The following DCAF8 variants were observed in gnomAD, a reference collection of about 807,000 sequenced individuals.
DCAF8 encodes DDB1 and CUL4 associated factor 8.
In DCAF8, 20 loss-of-function variants were observed where a neutral mutation model predicts 68.0. The ratio of observed to expected loss-of-function variants is 0.29; its 90% CI spans 0.21 to 0.43. The LOEUF (loss-of-function observed/expected upper bound fraction) is 0.43, where lower values mean the gene tolerates loss of function less well. DCAF8 is among the 20% of genes least tolerant of loss of function. The pLI is 1.00. For synonymous variants in DCAF8, 230 were observed against 276.9 expected, an observed-to-expected ratio of 0.83 and a Z score of 1.68; for missense variants, 460 against 771.0, an observed-to-expected ratio of 0.60 and a Z score of 4.78.
chr1:160,237,073 C>T, intron 6 of DCAF8, 62 bp downstream of exon 6: 1 of 1,214,058 alleles, frequency 8.2e-7, no homozygotes, highest in South Asian at 1.4e-5. Context: ...ATTACCAAGA[C>T]ATATGGAATA....
At chr1:160,218,815 A>C (rs1571076958) in intron 12 of DCAF8, 34 bp downstream of exon 12, 6 of 1,613,140 alleles carry the variant, frequency 3.7e-6, no homozygotes. Context: ...GTGGATAAGC[A>C]GAAAGAAAAT....
At chr1:160,234,044 G>T (rs1385359456) in intron 6 of DCAF8, among the ~76,000 whole-genome samples, 1 of 152,058 alleles carries the variant, frequency 6.6e-6, no homozygotes, top group Non-Finnish European at 1.5e-5. Context: ...GGCTTCCACT[G>T]GCTAAAGGAA....
intron 11 of DCAF8, chr1:160,220,636 A>G (rs759243220): frequency 6.6e-6 from 1 of 152,210 alleles, no homozygotes; most frequent in East Asian, 1.9e-4. Flanking sequence ...TCAAGCATCA[A>G]AGTGCTCTTG....
At chr1:160,223,554 T>C (rs891985765) in intron 10 of DCAF8, among the ~76,000 whole-genome samples, 2 of 152,238 alleles carry the variant, frequency 1.3e-5, no homozygotes, top group African/African-American at 4.8e-5. Context: ...GTGCTCAAGT[T>C]GCAGTCCATC....
chr1:160,258,044 T>C (rs745912703), intron 2 of DCAF8, among the ~76,000 whole-genome samples: 1 of 152,172 alleles, frequency 6.6e-6, no homozygotes, highest in Non-Finnish European at 1.5e-5. Flanking sequence ...CAGATTCTTA[T>C]ACATTTAATT....
At chr1:160,251,388 ACTTTT>A in intron 2 of DCAF8, among the ~76,000 whole-genome samples, 1 of 152,198 alleles carries the variant, frequency 6.6e-6, no homozygotes, top group South Asian at 2.1e-4. Flanking sequence ...AGTTTATTTT[ACTTTT>A]CTTAATATTT....
chr1:160,256,896 T>C (rs993341524), intron 2 of DCAF8, among the ~76,000 whole-genome samples: 26 of 151,782 alleles, frequency 1.7e-4, no homozygotes, highest in African/African-American at 6.1e-4. Flanking sequence ...CCTACAGAGG[T>C]AGAGATAAAA....
At chr1:160,226,007 C>A (rs569452432) in intron 7 of DCAF8, among the ~76,000 whole-genome samples, 3 of 152,218 alleles carry the variant, frequency 2.0e-5, no homozygotes, top group Admixed American at 6.5e-5. Context: ...CCACGCCCGG[C>A]CAATTTTTGT....
At position 160,239,988 on chromosome 1, in the gene DCAF8, T is replaced by C. The variant is rs1291037612; in HGVS notation, c.432A>G (p.Thr144=). 5.0e-6 allele frequency: 8 copies of C among 1,614,100 alleles called. No individual in the cohort carries two copies. The highest frequency in any genetic ancestry group is 1.6e-4 in the Middle Eastern group (1 of 6,084). The change falls in exon 4 of 14, where the codon ACA becomes ACG. Residue 144 remains threonine, a synonymous_variant. Coordinates refer to ENST00000368074, the MANE Select transcript of DCAF8 (RefSeq NM_015726.4). The part of the protein sequence containing the change: ...RALEDWVSSE[T]SALPRPRWQA... ...GCCAGCGAGGTCGGGGTAGAGCTGATGTTTCTGAGGACACCCAGTCCTCTA... is the reference window on the plus strand; with the variant it reads ...GCCAGCGAGGTCGGGGTAGAGCTGACGTTTCTGAGGACACCCAGTCCTCTA...
At chr1:160,257,184 T>C (rs1236392199) in intron 2 of DCAF8, among the ~76,000 whole-genome samples, 3 of 152,180 alleles carry the variant, frequency 2.0e-5, no homozygotes, top group Non-Finnish European at 2.9e-5. Flanking sequence ...CCCATGCCTA[T>C]TGCTGATTCA....
chr1:160,246,914 A>G (rs1377004780), intron 2 of DCAF8, among the ~76,000 whole-genome samples: 1 of 152,210 alleles, frequency 6.6e-6, no homozygotes, highest in Non-Finnish European at 1.5e-5. Context: ...ACCTGTGATT[A>G]TACCACTTCT....
At chr1:160,238,912 G>C in intron 4 of DCAF8, 165 bp from the exon 5 acceptor site, 1 of 832,176 alleles carries the variant, frequency 1.2e-6, no homozygotes, top group South Asian at 2.1e-5. Context: ...ATTTCTTCCA[G>C]GAGTTAAAGG....
chr1:160,246,980 A>C (rs1335864249), intron 2 of DCAF8, among the ~76,000 whole-genome samples: 1 of 152,170 alleles, frequency 6.6e-6, no homozygotes, highest in East Asian at 1.9e-4. Flanking sequence ...AAAATAAAAA[A>C]TCTTTTCCAT....
At position 160,240,206 on chromosome 1, in the gene DCAF8, A is replaced by G. The variant is rs1208295999; in HGVS notation, c.214T>C (p.Ser72Pro). Reference protein sequence around the residue: ...TESRGTDTESSGEDKDSDSME... With the variant: ...TESRGTDTESPGEDKDSDSME... ...CTGTCAGAGTCCTTATCTTCACCTGAGCTCTCTGTGTCTGTGCCTCGACTT... is the reference window on the plus strand; with the variant it reads ...CTGTCAGAGTCCTTATCTTCACCTGGGCTCTCTGTGTCTGTGCCTCGACTT... The change falls in exon 4 of 14, where the codon TCA becomes CCA. Residue 72 changes from serine (S) to proline (P), a missense_variant. Coordinates refer to ENST00000368074, the MANE Select transcript of DCAF8 (RefSeq NM_015726.4). 9 of 1,613,774 alleles carry G rather than the reference A, an allele frequency of 5.6e-6. No homozygotes were observed. Among genetic ancestry groups the G allele is most frequent in the Non-Finnish European group, 7.6e-6 (9 of 1,179,992 alleles).
intron 6 of DCAF8, among the ~76,000 whole-genome samples, chr1:160,233,069 T>C (rs1419601648): frequency 2.0e-5 from 3 of 152,186 alleles, no homozygotes; most frequent in African/African-American, 4.8e-5. Flanking sequence ...AGTTTTTGTT[T>C]TTAAGTCTAA....
At chr1:160,248,908 G>A (rs1171346445) in intron 2 of DCAF8, among the ~76,000 whole-genome samples, 1 of 149,276 alleles carries the variant, frequency 6.7e-6, no homozygotes, top group Non-Finnish European at 1.5e-5. Context: ...AAAAAAAAAA[G>A]AGGGCGGGTG....
At chr1:160,236,340 GTA>G (rs1006119818) in intron 6 of DCAF8, among the ~76,000 whole-genome samples, 19 of 151,788 alleles carry the variant, frequency 1.3e-4, no homozygotes, top group South Asian at 4.2e-4. Context: ...ACATATGTGT[GTA>G]TATGTGTGTA....
intron 4 of DCAF8, chr1:160,239,282 T>C (rs887045372): frequency 1.7e-5 from 19 of 1,093,594 alleles, no homozygotes; most frequent in Middle Eastern, 3.5e-4. Flanking sequence ...GCTTCTATTG[T>C]TACTTAATCC....
intron 2 of DCAF8, among the ~76,000 whole-genome samples, chr1:160,247,535 G>C (rs1656393088): frequency 1.3e-5 from 2 of 152,190 alleles, no homozygotes; most frequent in African/African-American, 4.8e-5. Flanking sequence ...ATCTGCATAA[G>C]AGACTACGTA....
Sources: gnomAD v4.1 joint callset for allele counts (sites outside exome capture counted in the v4.1 genomes callset) on GRCh38, gnomAD v4.1.1 for gene constraint, MANE v1.5 for transcripts, NCBI Gene and HGNC (gene_info 2026-07-23, HGNC 2026-07-21) for gene names.